Variants in HOXA3 observed in about 807,000 individuals in gnomAD.
HOXA3 encodes the protein homeobox A3.
A neutral mutation model predicts 30.3 loss-of-function variants in HOXA3; 8 were observed. The observed-to-expected ratio is 0.26, with a 90% CI of 0.15 to 0.48. The LOEUF (loss-of-function observed/expected upper bound fraction) is 0.48. Ranked by LOEUF, HOXA3 falls within the 20% of genes least tolerant of loss-of-function variation. The pLI is 0.99. For missense variants in HOXA3, 653 were observed against 614.4 expected, an observed-to-expected ratio of 1.06 and a Z score of -0.66; for synonymous variants, 323 against 273.1, an observed-to-expected ratio of 1.18 and a Z score of -1.80.
At chr7:27,130,108 C>A (rs750722717) in intron 2 of HOXA3, 3 of 1,592,610 alleles carry the variant, frequency 1.9e-6, no homozygotes, top group South Asian at 1.1e-5. Flanking sequence ...TCCCAAGCGG[C>A]GCCACGTACC....
intron 4 of HOXA3, among the ~76,000 whole-genome samples, chr7:27,111,489 TG>T: frequency 1.1e-5 from 1 of 93,570 alleles, no homozygotes; most frequent in Non-Finnish European, 2.6e-5. Flanking sequence ...ACATTGCGTG[TG>T]TGTGTGTGTG....
rs891888909 is a variant in HOXA3 at position 27,117,111 on chromosome 7, C to G, written c.-121+5448G>C. On this transcript the variant is annotated intron_variant, in intron 4 of 5. Coordinates refer to ENST00000612286, the MANE Select transcript of HOXA3 (RefSeq NM_153631.3). ...CACCCTTCCCAGGAGTGTGGGGTCCCCAAAGCCCAATTAGCTGGGGCTTTC... is the reference window on the plus strand; with the variant it reads ...CACCCTTCCCAGGAGTGTGGGGTCCGCAAAGCCCAATTAGCTGGGGCTTTC... 1.1e-4 allele frequency among the ~76,000 whole-genome samples: 16 copies of G among 152,330 alleles called. No individual in the cohort carries two copies. The Middle Eastern group carries it at 0.01, about 97-fold the overall frequency.
intron 1 of HOXA3, chr7:27,140,606 G>C (rs1782530587): frequency 6.6e-6 from 1 of 152,268 alleles, no homozygotes; most frequent in African/African-American, 2.4e-5. Context: ...CGGGTGAAGA[G>C]TGGGGAAGGG....
intron 2 of HOXA3, chr7:27,130,210 C>CA: frequency 1.3e-6 from 2 of 1,534,726 alleles, no homozygotes; most frequent in East Asian, 5.1e-5. Context: ...GAGCAGCGGG[C>CA]ACGCGGGGGC....
intron 4 of HOXA3, among the ~76,000 whole-genome samples, chr7:27,118,436 T>C (rs924066167): frequency 1.3e-5 from 2 of 152,326 alleles, no homozygotes; most frequent in African/African-American, 4.8e-5. Context: ...ATCCTTTTAT[T>C]TGAAATAGGG....
At chr7:27,133,862 G>GC (rs914061488) in intron 2 of HOXA3, among the ~76,000 whole-genome samples, 2 of 152,074 alleles carry the variant, frequency 1.3e-5, no homozygotes, top group Admixed American at 1.3e-4. Context: ...ATCACAAGGC[G>GC]CGCCCTTCAC....
At chr7:27,112,927 A>G (rs888152992) in intron 4 of HOXA3, among the ~76,000 whole-genome samples, 11 of 152,244 alleles carry the variant, frequency 7.2e-5, no homozygotes, top group African/African-American at 2.4e-4. Context: ...AAAATCAAAG[A>G]GCATACAACA....
chr7:27,129,474 T>G lies in HOXA3; in HGVS notation c.-389-2404A>C, dbSNP rs2158218. 1,558,036 of 1,614,150 alleles carry G rather than the reference T, an allele frequency of 0.97. 752,232 individuals are homozygous for G. Among genetic ancestry groups the G allele is most frequent in the East Asian group, 1 (44,751 of 44,860 alleles). On this transcript the variant is annotated intron_variant, in intron 2 of 5. Transcript: ENST00000612286. ...CGATGCGGCGCCGCCGGGTCAGGTA[T>G]CGATTGAAGTGGAACTCCTTCTCCA... is the stretch of plus-strand genomic sequence containing the variant.
intron 1 of HOXA3, among the ~76,000 whole-genome samples, chr7:27,145,162 C>T (rs1252380691): frequency 6.6e-6 from 1 of 152,234 alleles, no homozygotes; most frequent in Non-Finnish European, 1.5e-5. Flanking sequence ...CTCTTAGACC[C>T]CCTCTTTCCA....
At chr7:27,130,745 G>A (rs777207309) in intron 2 of HOXA3, 2 of 1,601,408 alleles carry the variant, frequency 1.2e-6, no homozygotes, top group South Asian at 1.1e-5. Context: ...AATTTGTGAA[G>A]TGCAAAAATA....
chr7:27,117,773 C>T (rs1477171058), intron 4 of HOXA3, among the ~76,000 whole-genome samples: 1 of 152,070 alleles, frequency 6.6e-6, no homozygotes, highest in Non-Finnish European at 1.5e-5. Flanking sequence ...CCACCCCTCC[C>T]AGGCAATCTA....
intron 2 of HOXA3, chr7:27,130,193 CGGCCAAGAGCAGCGGGCACGCGG>C (rs766276201): frequency 1.5e-5 from 24 of 1,575,244 alleles, no homozygotes; most frequent in Non-Finnish European, 1.7e-6. Context: ...GGGCTCTTGT[CGGCCAAGAGCAGCGGGCACGCGG>C]GGGCGCTGCC....
chr7:27,130,759 ATT>A, intron 2 of HOXA3: 1 of 1,591,418 alleles, frequency 6.3e-7, no homozygotes, highest in Non-Finnish European at 8.6e-7. Context: ...AAAAATACTA[ATT>A]TTTCTCGCGT....
chr7:27,119,156 CCCA>C lies in HOXA3; in HGVS notation c.-121+3400_-121+3402del, dbSNP rs548301705. Among the ~76,000 whole-genome samples, 25 of 141,758 alleles carry C rather than the reference CCCA, an allele frequency of 1.8e-4. 1 individual carries two copies. The highest frequency in any genetic ancestry group is 6.2e-4 in the African/African-American group (24 of 38,950). The allele number at this position is 141,758 out of a possible 152,430, so 93.0% of individuals were successfully genotyped here. On this transcript the variant is annotated intron_variant, in intron 4 of 5. Coordinates refer to ENST00000612286, the MANE Select transcript of HOXA3 (RefSeq NM_153631.3). ...AATTGCTCTGCAAGAGACCCCCCCC[CCCA>C]AAAAAAATAAGAAAAAAAAGAAAAA...
At chr7:27,143,552 T>C in intron 1 of HOXA3, 1 of 1,610,604 alleles carries the variant, frequency 6.2e-7, no homozygotes, top group South Asian at 1.1e-5. Flanking sequence ...ATGCAACTGG[T>C]AGTCCGGGCC....
chr7:27,146,295 C>T (rs2128062310), intron 1 of HOXA3, among the ~76,000 whole-genome samples: 1 of 150,862 alleles, frequency 6.6e-6, no homozygotes, highest in South Asian at 2.1e-4. Flanking sequence ...TGGTGTGGAA[C>T]CATGTAAGTA....
At chr7:27,134,298 G>A (rs964697714) in intron 2 of HOXA3, 7 of 152,124 alleles carry the variant, frequency 4.6e-5, no homozygotes, top group Admixed American at 2.0e-4. Flanking sequence ...TGCACACAAC[G>A]CAGGGATGAG....
chr7:27,140,348 G>C (rs1026230909), intron 1 of HOXA3, 162 bp from the exon 2 acceptor site: 8 of 152,204 alleles, frequency 5.3e-5, no homozygotes, highest in Non-Finnish European at 1.2e-4. Context: ...ATGATTTTAC[G>C]ATCTAATTCA....
intron 4 of HOXA3, among the ~76,000 whole-genome samples, chr7:27,121,609 CAATT>C (rs1372253982): frequency 6.6e-6 from 1 of 152,122 alleles, no homozygotes; most frequent in African/African-American, 2.4e-5. Context: ...TATCATGTTG[CAATT>C]AATTAACAAC....
Sources: allele counts gnomAD v4.1 joint callset (sites outside exome capture counted in the v4.1 genomes callset), GRCh38; gene constraint gnomAD v4.1.1; transcripts MANE v1.5; gene names NCBI Gene and HGNC (gene_info 2026-07-23, HGNC 2026-07-21).